Variants in FHIP1A observed in about 807,000 individuals in gnomAD.
FHIP1A encodes the protein FHF complex subunit HOOK interacting protein 1A.
FHIP1A carries 61 observed loss-of-function variants against 88.6 expected under a neutral mutation model. The observed-to-expected ratio is 0.69, with a 90% CI of 0.56 to 0.85. The LOEUF (loss-of-function observed/expected upper bound fraction) is 0.85. Among genes scored for constraint, FHIP1A ranks in the 40% least tolerant of loss-of-function variants. The pLI is 0.00. For synonymous variants in FHIP1A, 478 were observed against 496.0 expected, an observed-to-expected ratio of 0.96 and a Z score of 0.48; for missense variants, 1,154 against 1,273.5, an observed-to-expected ratio of 0.91 and a Z score of 1.43.
At chr4:151,635,707 G>A (rs944698033) in intron 8 of FHIP1A, among the ~76,000 whole-genome samples, 4 of 151,874 alleles carry the variant, frequency 2.6e-5, no homozygotes, top group African/African-American at 9.7e-5. Context: ...AGGGTAAAAT[G>A]ATGGTTTCCA....
intron 1 of FHIP1A, among the ~76,000 whole-genome samples, chr4:151,450,084 C>T (rs1561500288): frequency 6.6e-6 from 1 of 152,002 alleles, no homozygotes; most frequent in Non-Finnish European, 1.5e-5. Flanking sequence ...CATGAGCACA[C>T]ATTTCATAAA....
At chr4:151,606,712 T>C (rs1240672261) in intron 7 of FHIP1A, among the ~76,000 whole-genome samples, 1 of 152,240 alleles carries the variant, frequency 6.6e-6, no homozygotes, top group Admixed American at 6.5e-5. Context: ...TCTTGTTCTA[T>C]TTTTGCTAGC....
intron 3 of FHIP1A, among the ~76,000 whole-genome samples, chr4:151,532,122 T>C (rs557874811): frequency 1.3e-5 from 2 of 152,346 alleles, no homozygotes; most frequent in South Asian, 4.1e-4. Flanking sequence ...TGCTGTTGTT[T>C]GGTCTATATC....
chr4:151,486,140 G>A (rs1205223246), intron 3 of FHIP1A, among the ~76,000 whole-genome samples: 1 of 152,090 alleles, frequency 6.6e-6, no homozygotes, highest in Non-Finnish European at 1.5e-5. Flanking sequence ...GATCTAACAG[G>A]AGGTGGAGCT....
At chr4:151,598,206 A>G (rs1398184877) in intron 7 of FHIP1A, among the ~76,000 whole-genome samples, 1 of 152,144 alleles carries the variant, frequency 6.6e-6, no homozygotes, top group Non-Finnish European at 1.5e-5. Context: ...GTTGTGGACC[A>G]TGAGAAATGT....
intron 1 of FHIP1A, among the ~76,000 whole-genome samples, chr4:151,450,680 T>C (rs576476510): frequency 2.0e-5 from 3 of 152,338 alleles, no homozygotes; most frequent in Non-Finnish European, 4.4e-5. Context: ...TTTAAGATTT[T>C]TCTCTTTACG....
intron 3 of FHIP1A, among the ~76,000 whole-genome samples, chr4:151,490,329 C>T (rs748781994): frequency 6.6e-6 from 1 of 152,206 alleles, no homozygotes; most frequent in Non-Finnish European, 1.5e-5. Flanking sequence ...GATCACATCA[C>T]GGGACTCTTT....
chr4:151,531,446 G>T (rs564443043), intron 3 of FHIP1A, among the ~76,000 whole-genome samples: 1 of 150,138 alleles, frequency 6.7e-6, no homozygotes, highest in African/African-American at 2.4e-5. Flanking sequence ...ACTACTGTGC[G>T]TATTTTTTCA....
intron 2 of FHIP1A, among the ~76,000 whole-genome samples, chr4:151,476,215 C>A (rs1729697311): frequency 6.9e-6 from 1 of 144,738 alleles, no homozygotes; most frequent in Non-Finnish European, 1.5e-5. Context: ...GATCATGGCT[C>A]ACTGTGGCCT....
At chr4:151,512,876 G>C (rs11099820) in intron 3 of FHIP1A, among the ~76,000 whole-genome samples, 4 of 151,962 alleles carry the variant, frequency 2.6e-5, no homozygotes, top group South Asian at 2.1e-4. Flanking sequence ...GGAAAACACT[G>C]TGCAGGATAT....
chr4:151,511,859 G>A (rs1313555557), intron 3 of FHIP1A, among the ~76,000 whole-genome samples: 1 of 152,264 alleles, frequency 6.6e-6, no homozygotes, highest in African/African-American at 2.4e-5. Context: ...TGGGGGCAGG[G>A]CACAGACAAA....
rs919191280 is a variant in FHIP1A, at chr4:151,668,845, C to A, written c.*6091C>A. On this transcript the variant is annotated 3_prime_UTR_variant, in exon 14 of 14. Coordinates refer to ENST00000435205, the MANE Select transcript of FHIP1A (RefSeq NM_001109977.3). ...AACACAGGGTTTGGGCCTGACCAGG[C>A]AGAGCTGGTTCAAGCCAGCCTGGGG... Among the ~76,000 whole-genome samples, 12 of 111,982 alleles carry A rather than the reference C, an allele frequency of 1.1e-4. No homozygotes were observed. Among genetic ancestry groups the A allele is most frequent in the Admixed American group, 9.4e-4 (12 of 12,706 alleles). The allele number at this position is 111,982 out of a possible 152,430, so 73.5% of individuals were successfully genotyped here.
chr4:151,461,433 G>A lies in FHIP1A; in HGVS notation c.-248+6625G>A, dbSNP rs548103469. Among the ~76,000 whole-genome samples the A allele has an allele frequency of 8.4e-4, 128 of 152,190 alleles. 2 individuals are homozygous for A. In the South Asian group the frequency reaches 0.016, roughly 19 times the overall value. On this transcript the variant is annotated intron_variant, in intron 2 of 13. Transcript: ENST00000435205. ...TCATTCTCGTGACAATACCATGGTA[G>A]GATGATTATAGTTAATAATAAAATA... is the stretch of plus-strand genomic sequence containing the variant.
At chr4:151,515,408 C>G (rs1418989952) in intron 3 of FHIP1A, among the ~76,000 whole-genome samples, 1 of 151,544 alleles carries the variant, frequency 6.6e-6, no homozygotes, top group African/African-American at 2.4e-5. Flanking sequence ...CAGGGATGCC[C>G]TCTCTCACCA....
At chr4:151,631,588 C>G (rs971923477) in intron 8 of FHIP1A, among the ~76,000 whole-genome samples, 3 of 152,144 alleles carry the variant, frequency 2.0e-5, no homozygotes, top group Non-Finnish European at 4.4e-5. Context: ...CCCTTATTCC[C>G]TCACAGAGAA....
intron 2 of FHIP1A, among the ~76,000 whole-genome samples, chr4:151,480,297 T>C (rs1392495186): frequency 6.6e-6 from 1 of 152,168 alleles, no homozygotes; most frequent in Non-Finnish European, 1.5e-5. Flanking sequence ...CAATGCCTTA[T>C]TACCTAAGTA....
At chr4:151,635,666 G>A (rs1736325879) in intron 8 of FHIP1A, among the ~76,000 whole-genome samples, 1 of 151,762 alleles carries the variant, frequency 6.6e-6, no homozygotes, top group South Asian at 2.1e-4. Flanking sequence ...CTCATGTAAG[G>A]GATCTAAAAT....
chr4:151,478,957 G>A (rs923126771), intron 2 of FHIP1A, among the ~76,000 whole-genome samples: 3 of 151,936 alleles, frequency 2.0e-5, no homozygotes, highest in African/African-American at 2.4e-5. Context: ...TCCAATTCAC[G>A]AATTTGTTTT....
intron 7 of FHIP1A, among the ~76,000 whole-genome samples, chr4:151,605,497 C>G (rs1735038029): frequency 6.6e-6 from 1 of 152,190 alleles, no homozygotes; most frequent in Non-Finnish European, 1.5e-5. Flanking sequence ...GTGTTTCATT[C>G]AACAAATTAT....
Sources: gnomAD v4.1 joint callset for allele counts (sites outside exome capture counted in the v4.1 genomes callset) on GRCh38, gnomAD v4.1.1 for gene constraint, MANE v1.5 for transcripts, NCBI Gene and HGNC (gene_info 2026-07-23, HGNC 2026-07-21) for gene names.